Variants in ZC3H7B observed in about 807,000 individuals in gnomAD.
ZC3H7B encodes the protein zinc finger CCCH-type containing 7B.
A neutral mutation model predicts 116.0 loss-of-function variants in ZC3H7B; 35 were observed. That is an observed-to-expected ratio of 0.30 (90% confidence interval 0.23 to 0.40). The LOEUF (loss-of-function observed/expected upper bound fraction) is 0.40, where lower values mean the gene tolerates loss of function less well. Among genes scored for constraint, ZC3H7B ranks in the 10% least tolerant of loss-of-function variants. The pLI, the probability that ZC3H7B is intolerant of heterozygous loss-of-function variation, is 1.00. For missense variants in ZC3H7B, 1,011 were observed against 1,321.5 expected, an observed-to-expected ratio of 0.77 and a Z score of 3.64; for synonymous variants, 502 against 545.6, an observed-to-expected ratio of 0.92 and a Z score of 1.11.
At chr22:41,316,355 G>A (rs1451725084) in intron 1 of ZC3H7B, among the ~76,000 whole-genome samples, 1 of 151,482 alleles carries the variant, frequency 6.6e-6, no homozygotes, top group Non-Finnish European at 1.5e-5. Flanking sequence ...GAGTGCAGCG[G>A]CGTGATCTTG....
chr22:41,343,714 A>G (rs1489534779), intron 13 of ZC3H7B, 138 bp downstream of exon 13: 4 of 1,250,530 alleles, frequency 3.2e-6, no homozygotes, highest in African/African-American at 1.5e-5. Context: ...GCCACGGCCT[A>G]GGCTCCTGGG....
chr22:41,344,496 C>T (rs1031762354), intron 13 of ZC3H7B, among the ~76,000 whole-genome samples: 6 of 152,250 alleles, frequency 3.9e-5, no homozygotes, highest in East Asian at 1.9e-4. Context: ...CCGTCACACA[C>T]GCTGTGCCCT....
At chr22:41,341,242 C>A in intron 11 of ZC3H7B, 96 bp downstream of exon 11, 1 of 1,433,540 alleles carries the variant, frequency 7.0e-7, no homozygotes, top group Non-Finnish European at 9.7e-7. Context: ...GGGTAAGGCA[C>A]TGCATTCCCC....
intron 14 of ZC3H7B, among the ~76,000 whole-genome samples, chr22:41,347,388 C>T (rs950841865): frequency 3.3e-5 from 5 of 152,222 alleles, no homozygotes; most frequent in African/African-American, 1.2e-4. Flanking sequence ...TTGCCCTCCC[C>T]ACAGGGCGCT....
rs2036497681 is a variant in ZC3H7B at position 41,339,944 on chromosome 22, A to G, written c.945A>G (p.Pro315=). The change falls in exon 10 of 23, where the codon CCA becomes CCG. Residue 315 remains proline (P), a synonymous_variant. Transcript: ENST00000352645. ...GTGGCTCCATCCCTGTCTCCAGCCC[A>G]CTGCCCCCCGCCTCCTTCGGCTTGG... ...VVGGSIPVSS[P]LPPASFGLVM... The G allele has an allele frequency of 1.2e-6, 2 of 1,612,926 alleles. No homozygotes were observed. Among genetic ancestry groups the G allele is most frequent in the East Asian group, 4.5e-5 (2 of 44,842 alleles).
chr22:41,356,571 G>C, intron 21 of ZC3H7B, 74 bp from the exon 22 acceptor site: 1 of 1,609,632 alleles, frequency 6.2e-7, no homozygotes, highest in Admixed American at 1.7e-5. Flanking sequence ...GCCGGCCAGC[G>C]CTCAGCCTCT....
At chr22:41,341,838 C>A (rs2145930928) in intron 11 of ZC3H7B, among the ~76,000 whole-genome samples, 1 of 152,160 alleles carries the variant, frequency 6.6e-6, no homozygotes, top group East Asian at 1.9e-4. Context: ...CCGAGGTGTG[C>A]AGATCACAAG....
intron 1 of ZC3H7B, among the ~76,000 whole-genome samples, chr22:41,307,081 C>T (rs546859724): frequency 1.3e-5 from 2 of 150,878 alleles, no homozygotes; most frequent in African/African-American, 4.9e-5. Flanking sequence ...TCAAGCAATT[C>T]TCCTGCCTCA....
chr22:41,341,042 G>C (rs770513355), intron 10 of ZC3H7B, 46 bp from the exon 11 acceptor site: 1 of 1,593,048 alleles, frequency 6.3e-7, no homozygotes, highest in Non-Finnish European at 8.6e-7. Flanking sequence ...GGCCCCTCAC[G>C]CCTCAGAGCC....
intron 7 of ZC3H7B, chr22:41,332,624 T>A: frequency 5.3e-6 from 1 of 189,736 alleles, no homozygotes; most frequent in South Asian, 1.1e-4. Context: ...CTTTTCGCTT[T>A]TCAAAGCCCA....
intron 1 of ZC3H7B, among the ~76,000 whole-genome samples, chr22:41,305,063 T>C (rs2036021707): frequency 6.6e-6 from 1 of 151,968 alleles, no homozygotes; most frequent in Non-Finnish European, 1.5e-5. Context: ...AACACAAAAA[T>C]TGGCCGGCTG....
In ZC3H7B at chr22:41,327,529, G is replaced by A. The variant is rs79777892; in HGVS notation, c.444+165G>A. ...TAACACTAGCTCCCATTCTCTGAGC[G>A]CTGACTGGGTGCCAGGCACTGCTAG... On this transcript the variant is annotated intron_variant, in intron 5 of 22. Coordinates refer to ENST00000352645, the MANE Select transcript of ZC3H7B (RefSeq NM_017590.6). The surrounding 1 kb of genome is among the most constrained non-coding windows in gnomAD (Gnocchi z 4.5). Among the ~76,000 whole-genome samples the A allele has an allele frequency of 0.013, 1,963 of 152,328 alleles. 35 individuals are homozygous for A. Among genetic ancestry groups the A allele is most frequent in the African/African-American group, 0.04 (1,677 of 41,568 alleles).
At chr22:41,354,250 G>T (rs1487980498) in intron 17 of ZC3H7B, among the ~76,000 whole-genome samples, 1 of 152,246 alleles carries the variant, frequency 6.6e-6, no homozygotes, top group Non-Finnish European at 1.5e-5. Flanking sequence ...CACGCTTCTT[G>T]TGAGAATGGA....
chr22:41,337,477 G>A (rs2036461606), intron 7 of ZC3H7B, among the ~76,000 whole-genome samples: 1 of 152,232 alleles, frequency 6.6e-6, no homozygotes, highest in African/African-American at 2.4e-5. Context: ...CTTTGCCCAG[G>A]TTGTACAGCC....
chr22:41,331,637 G>A (rs372645610), intron 6 of ZC3H7B, among the ~76,000 whole-genome samples: 8 of 151,786 alleles, frequency 5.3e-5, no homozygotes, highest in African/African-American at 4.8e-5. Flanking sequence ...TTGGGAGGCC[G>A]AGGTGGGCAG....
At chr22:41,339,243 T>A (rs2036485696) in intron 9 of ZC3H7B, 52 bp downstream of exon 9, 1 of 1,540,530 alleles carries the variant, frequency 6.5e-7, no homozygotes, top group African/African-American at 1.4e-5. Context: ...CCCCGCTGTG[T>A]CCCCATTGTC....
chr22:41,352,746 T>C (rs184830477), intron 17 of ZC3H7B, among the ~76,000 whole-genome samples: 1 of 148,930 alleles, frequency 6.7e-6, no homozygotes, highest in African/African-American at 2.5e-5. Context: ...AGGGCGACAG[T>C]GTGAGACTCC....
intron 2 of ZC3H7B, 95 bp downstream of exon 2, chr22:41,320,808 G>A: frequency 1.3e-6 from 2 of 1,553,550 alleles, no homozygotes; most frequent in Non-Finnish European, 1.8e-6. Context: ...TCTTGCTGCT[G>A]AGCCTTTGCT....
chr22:41,341,769 A>G (rs1425271133), intron 11 of ZC3H7B, among the ~76,000 whole-genome samples: 3 of 149,710 alleles, frequency 2.0e-5, no homozygotes, highest in Non-Finnish European at 4.4e-5. Context: ...TAATAAAAGA[A>G]CATCTGATGA....
Sources: allele counts gnomAD v4.1 joint callset (sites outside exome capture counted in the v4.1 genomes callset), GRCh38; gene constraint gnomAD v4.1.1; non-coding constraint Gnocchi (gnomAD v3.1); transcripts MANE v1.5; gene names NCBI Gene and HGNC (gene_info 2026-07-23, HGNC 2026-07-21).